RUNDC3B: variants seen among roughly 807,000 people sequenced by gnomAD.
The protein encoded by RUNDC3B is RUN domain-containing protein 3B.
RUNDC3B carries 33 observed loss-of-function variants against 58.4 expected under a neutral mutation model. That is an observed-to-expected ratio of 0.56 (90% CI 0.43 to 0.75). The LOEUF (loss-of-function observed/expected upper bound fraction) is 0.75, where lower values mean the gene tolerates loss of function less well. RUNDC3B is among the 30% of genes least tolerant of loss of function. The probability of loss-of-function intolerance (pLI) is 0.00; values close to 1 mark genes in which losing one functional copy is unlikely to be tolerated. For synonymous variants in RUNDC3B, 193 were observed against 195.2 expected (o/e 0.99, Z 0.10); for missense variants, 501 against 535.7 (o/e 0.94, Z 0.64).
intron 2 of RUNDC3B, among the ~76,000 whole-genome samples, chr7:87,657,600 A>G (rs573105609): frequency 1.3e-5 from 2 of 152,106 alleles, no homozygotes; most frequent in African/African-American, 2.4e-5. Flanking sequence ...CCTTCCCACA[A>G]TGTTGACGGA....
intron 6 of RUNDC3B, among the ~76,000 whole-genome samples, chr7:87,750,089 T>C (rs1174129298): frequency 2.0e-5 from 3 of 151,894 alleles, no homozygotes; most frequent in East Asian, 3.9e-4. Flanking sequence ...CCATGTGTTC[T>C]CATTGTTCAA....
chr7:87,657,464 T>C (rs1824220529), intron 2 of RUNDC3B, among the ~76,000 whole-genome samples: 1 of 152,120 alleles, frequency 6.6e-6, no homozygotes, highest in Non-Finnish European at 1.5e-5. Flanking sequence ...AGCTTAGAAT[T>C]CCGCCCTCCT....
intron 2 of RUNDC3B, among the ~76,000 whole-genome samples, chr7:87,651,752 T>C (rs1233830057): frequency 6.6e-6 from 1 of 152,132 alleles, no homozygotes; most frequent in East Asian, 1.9e-4. Context: ...TACTTTTTGA[T>C]GCTGAAAGCA....
Position 87,770,717 on chromosome 7 carries a change from A to C in RUNDC3B, c.766A>C (p.Lys256Gln). ...TTGGTTCAACAAGTGTAAGAGAGTT[A>C]AACAAAAGTATCAGCTTACCCTGGA... Reference protein sequence around the residue: ...NSWFNKCKRVKQKYQLTLEQK... With the variant: ...NSWFNKCKRVQQKYQLTLEQK... The change falls in exon 7 of 11, where the codon AAA (lysine) becomes CAA (glutamine). Residue 256 changes from lysine to glutamine, a missense_variant. Physicochemically the swap from Lys to Gln is moderately conservative, Grantham distance 53. Coordinates refer to ENST00000394654, the MANE Select transcript of RUNDC3B (RefSeq NM_001134405.2). 3 of 1,613,094 alleles carry C rather than the reference A, an allele frequency of 1.9e-6. No homozygotes were observed. Among genetic ancestry groups the C allele is most frequent in the Non-Finnish European group, 2.5e-6 (3 of 1,179,322 alleles).
At chr7:87,642,611 C>CTTAT (rs551567939) in intron 1 of RUNDC3B, among the ~76,000 whole-genome samples, 124 of 151,606 alleles carry the variant, frequency 8.2e-4, no homozygotes, top group African/African-American at 1.9e-3. Context: ...AAAGTTTTGC[C>CTTAT]TTATTTATTT....
At chr7:87,645,831 C>T (rs1046703430) in intron 1 of RUNDC3B, among the ~76,000 whole-genome samples, 1 of 151,972 alleles carries the variant, frequency 6.6e-6, no homozygotes, top group Non-Finnish European at 1.5e-5. Flanking sequence ...TGGGAAGAAT[C>T]GGTTAGCTGA....
intron 8 of RUNDC3B, among the ~76,000 whole-genome samples, chr7:87,788,516 T>A (rs1584211447): frequency 6.6e-6 from 1 of 152,242 alleles, no homozygotes; most frequent in African/African-American, 2.4e-5. Context: ...TCTTATGGTT[T>A]TATGGAAATC....
At chr7:87,811,640 G>A (rs138107545) in intron 9 of RUNDC3B, among the ~76,000 whole-genome samples, 4,551 of 152,112 alleles carry the variant, frequency 0.03, 65 homozygotes, top group Middle Eastern at 0.048. Context: ...CACCGCGCAC[G>A]GCTGGCTTTT....
intron 2 of RUNDC3B, among the ~76,000 whole-genome samples, chr7:87,654,801 A>G (rs1823921477): frequency 6.6e-6 from 1 of 152,112 alleles, no homozygotes; most frequent in South Asian, 2.1e-4. Context: ...TTTAAAAACC[A>G]CACATCGGAT....
intron 3 of RUNDC3B, among the ~76,000 whole-genome samples, chr7:87,706,802 T>A (rs1829634627): frequency 1.3e-5 from 2 of 152,158 alleles, no homozygotes; most frequent in South Asian, 4.1e-4. Context: ...GCATGCAGTT[T>A]TCCTATGGGG....
chr7:87,803,804 T>G (rs1297423833), intron 8 of RUNDC3B, among the ~76,000 whole-genome samples: 1 of 152,184 alleles, frequency 6.6e-6, no homozygotes, highest in African/African-American at 2.4e-5. Context: ...TTTTGCAGAT[T>G]TAATCTAAAT....
intron 6 of RUNDC3B, among the ~76,000 whole-genome samples, chr7:87,746,986 TC>T (rs1186226668): frequency 5.9e-5 from 9 of 152,188 alleles, no homozygotes; most frequent in Admixed American, 2.6e-4. Flanking sequence ...ATCAGGGATT[TC>T]TTCTTGGTTT....
intron 1 of RUNDC3B, among the ~76,000 whole-genome samples, chr7:87,637,570 T>C (rs966891510): frequency 6.6e-6 from 1 of 152,144 alleles, no homozygotes; most frequent in Non-Finnish European, 1.5e-5. Flanking sequence ...TTTCTTTATA[T>C]GTTTAAATAT....
chr7:87,757,153 C>T (rs184650136), intron 6 of RUNDC3B, among the ~76,000 whole-genome samples: 42 of 152,230 alleles, frequency 2.8e-4, no homozygotes, highest in East Asian at 1.7e-3. Flanking sequence ...CAACCCCCCA[C>T]GAGCTCCTGA....
intron 1 of RUNDC3B, among the ~76,000 whole-genome samples, chr7:87,643,191 G>A (rs1003799119): frequency 6.6e-6 from 1 of 152,166 alleles, no homozygotes; most frequent in Non-Finnish European, 1.5e-5. Context: ...ACAGGTGTGA[G>A]CCACCACACC....
At chr7:87,819,953 C>T (rs1032321526) in intron 10 of RUNDC3B, among the ~76,000 whole-genome samples, 5 of 151,954 alleles carry the variant, frequency 3.3e-5, no homozygotes, top group African/African-American at 1.2e-4. Context: ...CCAAAATTGA[C>T]ACCCTAACAT....
At chr7:87,664,466 A>G (rs184111395) in intron 2 of RUNDC3B, among the ~76,000 whole-genome samples, 4 of 152,336 alleles carry the variant, frequency 2.6e-5, no homozygotes, top group Admixed American at 2.6e-4. Flanking sequence ...TGGAATAATC[A>G]GGCAAAGACA....
intron 2 of RUNDC3B, among the ~76,000 whole-genome samples, chr7:87,652,671 A>C (rs1823703329): frequency 1.4e-5 from 2 of 141,582 alleles, no homozygotes; most frequent in African/African-American, 5.6e-5. Context: ...ATAATCTGTA[A>C]CTTTTGAGAT....
intron 8 of RUNDC3B, among the ~76,000 whole-genome samples, chr7:87,806,332 A>T (rs1371635978): frequency 6.6e-6 from 1 of 152,154 alleles, no homozygotes; most frequent in Non-Finnish European, 1.5e-5. Context: ...TTAGTGCAGT[A>T]TTGTGCTGCC....
Sources: gnomAD v4.1 joint callset for allele counts (sites outside exome capture counted in the v4.1 genomes callset) on GRCh38, gnomAD v4.1.1 for gene constraint, MANE v1.5 for transcripts, NCBI Gene and HGNC (gene_info 2026-07-23, HGNC 2026-07-21) for gene names.